Variants in PTPRR observed in about 807,000 individuals in gnomAD.
PTPRR encodes the protein receptor-type tyrosine-protein phosphatase R.
Under a neutral mutation model 77.2 loss-of-function variants are expected in PTPRR, and 38 were observed. That is an observed-to-expected ratio of 0.49 (90% CI 0.38 to 0.65). The LOEUF is 0.65. PTPRR is among the 30% of genes least tolerant of loss of function. The pLI, the probability that PTPRR is intolerant of heterozygous loss-of-function variation, is 0.00. For synonymous variants in PTPRR, 299 were observed against 283.1 expected, an observed-to-expected ratio of 1.06 and a Z score of -0.57; for missense variants, 744 against 799.2, an observed-to-expected ratio of 0.93 and a Z score of 0.83.
intron 13 of PTPRR, among the ~76,000 whole-genome samples, chr12:70,641,867 A>G (rs1171002041): frequency 6.6e-6 from 1 of 152,224 alleles, no homozygotes; most frequent in Non-Finnish European, 1.5e-5. Context: ...GCTCCCCTGT[A>G]GTCACACAAC....
intron 6 of PTPRR, among the ~76,000 whole-genome samples, chr12:70,727,422 A>C (rs1438484732): frequency 6.6e-6 from 1 of 152,204 alleles, no homozygotes; most frequent in East Asian, 1.9e-4. Flanking sequence ...AGAATTAAAA[A>C]AACCAGAATT....
chr12:70,797,981 A>G (rs570276190), intron 2 of PTPRR, among the ~76,000 whole-genome samples: 6 of 152,318 alleles, frequency 3.9e-5, no homozygotes, highest in African/African-American at 1.4e-4. Context: ...CTCTGTCTTC[A>G]GCCAAAGTCT....
chr12:70,798,101 T>G (rs1315130596), intron 2 of PTPRR, among the ~76,000 whole-genome samples: 1 of 152,158 alleles, frequency 6.6e-6, no homozygotes, highest in Non-Finnish European at 1.5e-5. Context: ...TACTGATTAT[T>G]TTTAAACCTG....
chr12:70,833,874 C>T (rs1376723948), intron 2 of PTPRR, among the ~76,000 whole-genome samples: 1 of 152,176 alleles, frequency 6.6e-6, no homozygotes, highest in African/African-American at 2.4e-5. Context: ...TGCAATTCTT[C>T]TTCAAAAGGC....
chr12:70,915,505 C>T (rs1893762272), intron 1 of PTPRR, among the ~76,000 whole-genome samples: 1 of 152,186 alleles, frequency 6.6e-6, no homozygotes, highest in Non-Finnish European at 1.5e-5. Context: ...GTATTAGACT[C>T]TCTGTTTGTA....
chr12:70,764,184 T>A (rs1212139120), intron 3 of PTPRR, among the ~76,000 whole-genome samples: 4 of 152,092 alleles, frequency 2.6e-5, no homozygotes, highest in Non-Finnish European at 5.9e-5. Flanking sequence ...TCTACTGATA[T>A]ACTTGAAAGT....
chr12:70,852,221 T>C (rs1892582883), intron 2 of PTPRR, among the ~76,000 whole-genome samples: 2 of 152,056 alleles, frequency 1.3e-5, no homozygotes, highest in South Asian at 4.1e-4. Flanking sequence ...TAGGAAGATG[T>C]AAAGGGTTGG....
At chr12:70,838,273 G>A (rs1009519507) in intron 2 of PTPRR, among the ~76,000 whole-genome samples, 1 of 152,146 alleles carries the variant, frequency 6.6e-6, no homozygotes, top group African/African-American at 2.4e-5. Flanking sequence ...GGATAGATGT[G>A]TTTTCATGAA....
intron 1 of PTPRR, among the ~76,000 whole-genome samples, chr12:70,899,038 C>A (rs768812084): frequency 4.6e-5 from 7 of 151,502 alleles, no homozygotes; most frequent in Non-Finnish European, 7.4e-5. Context: ...AATAAATAAT[C>A]TAAATTGTGC....
intron 5 of PTPRR, among the ~76,000 whole-genome samples, chr12:70,753,215 G>A (rs1249700703): frequency 6.6e-6 from 1 of 152,028 alleles, no homozygotes; most frequent in Non-Finnish European, 1.5e-5. Flanking sequence ...TTTCCAGAGG[G>A]AGCCCCAATC....
intron 2 of PTPRR, among the ~76,000 whole-genome samples, chr12:70,866,800 C>T (rs1184261157): frequency 3.9e-5 from 6 of 152,064 alleles, no homozygotes; most frequent in Non-Finnish European, 5.9e-5. Flanking sequence ...ACTGGCAAAA[C>T]GAATCCAGCA....
chr12:70,744,289 C>T (rs1348513611), intron 6 of PTPRR, among the ~76,000 whole-genome samples: 2 of 152,154 alleles, frequency 1.3e-5, no homozygotes, highest in African/African-American at 4.8e-5. Flanking sequence ...CCCAGTTAGC[C>T]TTAGGGAGAA....
At chr12:70,886,535 T>C (rs188666862) in intron 2 of PTPRR, among the ~76,000 whole-genome samples, 3 of 152,318 alleles carry the variant, frequency 2.0e-5, no homozygotes, top group African/African-American at 7.2e-5. Context: ...CTCAAATGAT[T>C]TTGAATCCTG....
At chr12:70,896,851 C>T (rs1460525659) in intron 1 of PTPRR, among the ~76,000 whole-genome samples, 1 of 151,698 alleles carries the variant, frequency 6.6e-6, no homozygotes, top group Non-Finnish European at 1.5e-5. Flanking sequence ...TTTCCCAGCA[C>T]CATTTATTAA....
chr12:70,728,224 G>A (rs1228984060), intron 6 of PTPRR, among the ~76,000 whole-genome samples: 2 of 104,340 alleles, frequency 1.9e-5, no homozygotes, highest in Admixed American at 1.2e-4. Flanking sequence ...TCAGATTTTG[G>A]AATATTTGCC....
intron 6 of PTPRR, among the ~76,000 whole-genome samples, chr12:70,744,458 T>C (rs1408900575): frequency 6.6e-6 from 1 of 152,240 alleles, no homozygotes; most frequent in Non-Finnish European, 1.5e-5. Flanking sequence ...CTCTGTTTTC[T>C]TCCTGTTGTG....
At chr12:70,825,426 C>T (rs1037651052) in intron 2 of PTPRR, among the ~76,000 whole-genome samples, 4 of 152,224 alleles carry the variant, frequency 2.6e-5, no homozygotes, top group African/African-American at 4.8e-5. Flanking sequence ...AATCCTGCTG[C>T]ATGTGCAAAC....
chr12:70,779,166 C>CT (rs71899092), intron 2 of PTPRR, among the ~76,000 whole-genome samples: 7,855 of 143,396 alleles, frequency 0.055, 237 homozygotes, highest in Middle Eastern at 0.1. Flanking sequence ...ATTTTTAAAT[C>CT]TTTTTTTTTT....
chr12:70,820,524 G>C (rs1891988259), intron 2 of PTPRR, among the ~76,000 whole-genome samples: 1 of 152,148 alleles, frequency 6.6e-6, no homozygotes, highest in Non-Finnish European at 1.5e-5. Context: ...TAGTAGCGAC[G>C]GAGTTTCACC....
Sources: allele counts gnomAD v4.1 joint callset (sites outside exome capture counted in the v4.1 genomes callset), GRCh38; gene constraint gnomAD v4.1.1; transcripts MANE v1.5; gene names NCBI Gene and HGNC (gene_info 2026-07-23, HGNC 2026-07-21).